PTH2R: variants seen among roughly 807,000 people sequenced by gnomAD.
The protein encoded by PTH2R is parathyroid hormone 2 receptor, also known as PTH2 receptor.
In PTH2R, 59 loss-of-function variants were observed where a neutral mutation model predicts 60.3. The ratio of observed to expected loss-of-function variants is 0.98; its 90% CI spans 0.79 to 1.22. The LOEUF (loss-of-function observed/expected upper bound fraction) is 1.22, where lower values mean the gene tolerates loss of function less well. Among genes scored for constraint, PTH2R ranks in the 50% most tolerant of loss-of-function variants. The probability of loss-of-function intolerance (pLI) is 0.00; values close to 1 mark genes in which losing one functional copy is unlikely to be tolerated. For synonymous variants in PTH2R, 256 were observed against 243.8 expected (o/e 1.05, Z -0.47); for missense variants, 749 against 682.6 (o/e 1.10, Z -1.08).
chr2:208,381,008 A>G (rs1375815884), intron 1 of PTH2R, among the ~76,000 whole-genome samples: 1 of 152,106 alleles, frequency 6.6e-6, no homozygotes, highest in African/African-American at 2.4e-5. Context: ...AGTACACCCA[A>G]ATCTTTGGAT....
chr2:208,371,952 C>T (rs1700709910), intron 1 of PTH2R, among the ~76,000 whole-genome samples: 1 of 152,036 alleles, frequency 6.6e-6, no homozygotes, highest in Admixed American at 6.5e-5. Context: ...GATGGAGTCT[C>T]ACTCTGTCAC....
chr2:208,437,976 C>T, intron 4 of PTH2R, 95 bp downstream of exon 4: 1 of 1,449,978 alleles, frequency 6.9e-7, no homozygotes, highest in Non-Finnish European at 9.5e-7. Context: ...TAAAAACCCT[C>T]TTATTCCACG....
At chr2:208,419,241 T>C (rs1164912295) in intron 1 of PTH2R, among the ~76,000 whole-genome samples, 2 of 152,214 alleles carry the variant, frequency 1.3e-5, no homozygotes, top group South Asian at 4.1e-4. Flanking sequence ...TATCTCATTG[T>C]GGTTTTGATT....
chr2:208,386,320 A>T (rs1005057037), intron 1 of PTH2R, among the ~76,000 whole-genome samples: 2 of 152,238 alleles, frequency 1.3e-5, no homozygotes, highest in African/African-American at 4.8e-5. Flanking sequence ...GATGAAGCAG[A>T]TAGCTATATA....
intron 9 of PTH2R, among the ~76,000 whole-genome samples, chr2:208,470,343 T>C (rs545723190): frequency 6.6e-6 from 1 of 152,316 alleles, no homozygotes; most frequent in South Asian, 2.1e-4. Flanking sequence ...TTCTAGGCCC[T>C]GCTCAAATTT....
At chr2:208,485,514 G>A (rs1025382065) in intron 10 of PTH2R, among the ~76,000 whole-genome samples, 9 of 152,304 alleles carry the variant, frequency 5.9e-5, no homozygotes, top group Admixed American at 3.9e-4. Flanking sequence ...GATTTGAATA[G>A]AGAGTAAAAG....
chr2:208,384,445 T>C (rs1323151631), intron 1 of PTH2R, among the ~76,000 whole-genome samples: 1 of 152,164 alleles, frequency 6.6e-6, no homozygotes, highest in East Asian at 1.9e-4. Flanking sequence ...TGAAAGGTGT[T>C]CTCAGCCTGA....
At chr2:208,430,395 A>C (rs2105857317) in intron 2 of PTH2R, among the ~76,000 whole-genome samples, 1 of 152,114 alleles carries the variant, frequency 6.6e-6, no homozygotes, top group South Asian at 2.1e-4. Flanking sequence ...TCAACCTTGA[A>C]AGATACTTTT....
rs1372026209 is a variant in PTH2R at position 208,406,925 on chromosome 2, C to T, written c.-119C>T. On this transcript the variant is annotated 5_prime_UTR_variant, in exon 1 of 13. Coordinates refer to ENST00000272847, the MANE Select transcript of PTH2R (RefSeq NM_005048.4). ...TCGGCCGGTGGCCCGGGCCCGACCA[C>T]CCCAGCTGCGCGTCGTTACTGGCCA... 3.6e-6 allele frequency: 3 copies of T among 832,222 alleles called. No homozygotes were observed. In the East Asian group the frequency reaches 9.0e-5, roughly 25 times the overall value. The allele number at this position is 832,222 out of a possible 1,614,324, so 51.6% of individuals were successfully genotyped here. A position where few individuals can be genotyped will look rare whatever the true frequency, so the allele number is the denominator to read the frequency against.
chr2:208,387,646 T>G (rs574707896), intron 1 of PTH2R, among the ~76,000 whole-genome samples: 1 of 152,348 alleles, frequency 6.6e-6, no homozygotes, highest in Admixed American at 6.5e-5. Flanking sequence ...TTTTCCATTA[T>G]GAAAATAATT....
chr2:208,478,738 C>T (rs1249560399), intron 9 of PTH2R, among the ~76,000 whole-genome samples: 1 of 152,122 alleles, frequency 6.6e-6, no homozygotes, highest in Non-Finnish European at 1.5e-5. Flanking sequence ...TTTATGGACA[C>T]CATAGTGCAG....
intron 12 of PTH2R, among the ~76,000 whole-genome samples, chr2:208,492,591 T>A: frequency 6.6e-6 from 1 of 152,058 alleles, no homozygotes; most frequent in East Asian, 1.9e-4. Flanking sequence ...TTATCCCTCT[T>A]GATTTTTATA....
chr2:208,474,526 G>A lies in PTH2R; in HGVS notation c.982-6544G>A, dbSNP rs78105199. 5.0e-3 allele frequency among the ~76,000 whole-genome samples: 759 copies of A among 152,308 alleles called. 12 individuals are homozygous for A. Among genetic ancestry groups the A allele is most frequent in the East Asian group, 0.036 (186 of 5,184 alleles). On this transcript the variant is annotated intron_variant, in intron 9 of 12. Coordinates refer to ENST00000272847, the MANE Select transcript of PTH2R (RefSeq NM_005048.4). ...ACCTAAATCACTTAATAGGTAAAGC[G>A]CAGAGAAGGGTTTTCCCGGCATAGA...
At chr2:208,368,790 A>C (rs1261686010) in intron 1 of PTH2R, among the ~76,000 whole-genome samples, 1 of 152,226 alleles carries the variant, frequency 6.6e-6, no homozygotes, top group Non-Finnish European at 1.5e-5. Flanking sequence ...GGCACTGGGA[A>C]GCCTCCATGG....
chr2:208,396,913 C>T (rs1393441759), intron 1 of PTH2R, among the ~76,000 whole-genome samples: 1 of 152,138 alleles, frequency 6.6e-6, no homozygotes, highest in Admixed American at 6.6e-5. Flanking sequence ...ACCCAAATGT[C>T]CATCAATGAT....
At chr2:208,469,553 A>G (rs892137479) in intron 9 of PTH2R, among the ~76,000 whole-genome samples, 1 of 152,210 alleles carries the variant, frequency 6.6e-6, no homozygotes, top group African/African-American at 2.4e-5. Flanking sequence ...AGAGATAACC[A>G]TAGACTGCAG....
chr2:208,490,746 G>C, intron 12 of PTH2R, 66 bp downstream of exon 12: 1 of 1,421,204 alleles, frequency 7.0e-7, no homozygotes, highest in Non-Finnish European at 9.5e-7. Flanking sequence ...AATGTATCCT[G>C]AATCTCTTTA....
At chr2:208,454,568 A>T in intron 8 of PTH2R, among the ~76,000 whole-genome samples, 1 of 152,348 alleles carries the variant, frequency 6.6e-6, no homozygotes, top group Non-Finnish European at 1.5e-5. Context: ...CCTGATCTTG[A>T]ACTTCTAGTC....
At chr2:208,376,175 G>A (rs1297738185) in intron 1 of PTH2R, among the ~76,000 whole-genome samples, 1 of 152,110 alleles carries the variant, frequency 6.6e-6, no homozygotes, top group Non-Finnish European at 1.5e-5. Context: ...GTATTTCTGT[G>A]TTTTTTCAGT....
Sources: gnomAD v4.1 joint callset for allele counts (sites outside exome capture counted in the v4.1 genomes callset) on GRCh38, gnomAD v4.1.1 for gene constraint, MANE v1.5 for transcripts, NCBI Gene and HGNC (gene_info 2026-07-23, HGNC 2026-07-21) for gene names.